The following FBXO34 variants were observed in gnomAD, a reference collection of about 807,000 sequenced individuals.
The protein encoded by FBXO34 is F-box protein 34, also known as F-box only protein 34.
A neutral mutation model predicts 24.5 loss-of-function variants in FBXO34; 12 were observed. That is an observed-to-expected ratio of 0.49 (90% CI 0.31 to 0.79). The LOEUF is 0.79. Ranked by LOEUF, FBXO34 falls within the 30% of genes least tolerant of loss-of-function variation. FBXO34 has a pLI of 0.04. For missense variants in FBXO34, 823 were observed against 857.7 expected (o/e 0.96, Z 0.51); for synonymous variants, 320 against 311.9 (o/e 1.03, Z -0.27).
intron 1 of FBXO34, among the ~76,000 whole-genome samples, chr14:55,291,185 T>G (rs1205454041): frequency 6.6e-6 from 1 of 152,154 alleles, no homozygotes; most frequent in Non-Finnish European, 1.5e-5. Flanking sequence ...CAAAGAGTAT[T>G]TGCAGTTGGA....
chr14:55,435,965 A>T, the FBXO34 span: 1 of 1,343,300 alleles, frequency 7.4e-7, no homozygotes, highest in Non-Finnish European at 1.0e-6. Context: ...AGAAACTTAT[A>T]TCAGATATAA....
At chr14:55,320,725 C>G (rs1883101835) in intron 1 of FBXO34, among the ~76,000 whole-genome samples, 1 of 152,160 alleles carries the variant, frequency 6.6e-6, no homozygotes, top group African/African-American at 2.4e-5. Flanking sequence ...CCACTGCACT[C>G]CAGCCTGTGT....
the FBXO34 span, among the ~76,000 whole-genome samples, chr14:55,418,899 A>C: frequency 6.6e-6 from 1 of 152,126 alleles, no homozygotes; most frequent in Admixed American, 6.5e-5. Flanking sequence ...TCCTTACAAC[A>C]CTTAGGTAGA....
At chr14:55,332,047 A>T (rs894185726) in intron 1 of FBXO34, among the ~76,000 whole-genome samples, 7 of 134,874 alleles carry the variant, frequency 5.2e-5, no homozygotes, top group African/African-American at 1.4e-4. Context: ...TATATATAAA[A>T]ATATATATAT....
At chr14:55,313,279 G>A (rs1240045113) in intron 1 of FBXO34, among the ~76,000 whole-genome samples, 1 of 152,084 alleles carries the variant, frequency 6.6e-6, no homozygotes, top group Non-Finnish European at 1.5e-5. Context: ...TTCTCAATAA[G>A]TCCTCCTCTT....
At chr14:55,439,930 C>CAAAAAAAAAAAAAAAAAAAAAAA in the FBXO34 span, among the ~76,000 whole-genome samples, 1 of 39,180 alleles carries the variant, frequency 2.6e-5, no homozygotes. Context: ...GACTCTGTCT[C>CAAAAAAAAAAAAAAAAAAAAAAA]AAAAAAAAAA....
chr14:55,369,961 A>C (rs369167678), downstream of FBXO34: 7 of 1,530,314 alleles, frequency 4.6e-6, no homozygotes, highest in Admixed American at 2.0e-5. Context: ...TTAGGATAAC[A>C]ACCATTCTCA....
chr14:55,308,582 TTACTCTC>T (rs1566549383), intron 1 of FBXO34, among the ~76,000 whole-genome samples: 1 of 152,234 alleles, frequency 6.6e-6, no homozygotes. Context: ...ATATTGTTCT[TTACTCTC>T]TATTGTAACT....
At chr14:55,287,990 T>G (rs1313570170) in intron 1 of FBXO34, among the ~76,000 whole-genome samples, 4 of 152,250 alleles carry the variant, frequency 2.6e-5, no homozygotes, top group Non-Finnish European at 5.9e-5. Context: ...AATTTTCCAC[T>G]TGTGGCATCG....
intron 1 of FBXO34, among the ~76,000 whole-genome samples, chr14:55,331,697 ATATATATG>A (rs1404443532): frequency 0.014 from 931 of 67,544 alleles, 226 homozygotes; most frequent in African/African-American, 0.088. Flanking sequence ...GTATATATAT[ATATATATG>A]TATATATATA....
chr14:55,356,388 C>T (rs907488268), downstream of FBXO34, among the ~76,000 whole-genome samples: 1 of 152,114 alleles, frequency 6.6e-6, no homozygotes, highest in African/African-American at 2.4e-5. Flanking sequence ...GGGTATGCCT[C>T]GTTTAAAGGC....
chr14:55,417,711 C>G, the FBXO34 span, among the ~76,000 whole-genome samples: 1 of 152,196 alleles, frequency 6.6e-6, no homozygotes, highest in Non-Finnish European at 1.5e-5. Context: ...ATCTGCCCAC[C>G]TTGGCCTCCC....
rs186490999 is a variant in FBXO34 at position 55,361,673 on chromosome 14, A to G, written c.*589-60A>G. On this transcript the variant is annotated intron_variant and NMD_transcript_variant, in intron 3 of 3. Coordinates refer to the FBXO34 transcript ENST00000555280. ...TTGTTTAGTGTAACCATCTTCATCA[A>G]TTACCTTAGCTAGATCTTCTGGATA... The G allele has an allele frequency of 1.7e-4, 26 of 152,312 alleles. No individual in the cohort carries two copies. The East Asian group carries it at 4.0e-3, about 24-fold the overall frequency. The allele number at this position is 152,312 out of a possible 1,614,324, so 9.4% of individuals were successfully genotyped here. A position where few individuals can be genotyped will look rare whatever the true frequency, so the allele number is the denominator to read the frequency against.
chr14:55,342,050 C>G (rs748447224), intron 1 of FBXO34, among the ~76,000 whole-genome samples: 9 of 152,096 alleles, frequency 5.9e-5, no homozygotes, highest in Non-Finnish European at 1.0e-4. Flanking sequence ...GCATTTATTG[C>G]GAGCACAAAA....
intron 1 of FBXO34, among the ~76,000 whole-genome samples, chr14:55,346,678 T>C (rs1467424843): frequency 1.3e-5 from 2 of 152,136 alleles, no homozygotes; most frequent in Non-Finnish European, 2.9e-5. Flanking sequence ...CTGGGAAGTC[T>C]ATGTCAAAGA....
the FBXO34 span, among the ~76,000 whole-genome samples, chr14:55,411,278 C>G: frequency 2.0e-5 from 3 of 152,220 alleles, no homozygotes; most frequent in Non-Finnish European, 4.4e-5. Context: ...CAGCAAAGAG[C>G]TGGGAATCTA....
chr14:55,272,050 C>T (rs1006362568), intron 1 of FBXO34: 1 of 152,290 alleles, frequency 6.6e-6, no homozygotes, highest in African/African-American at 2.4e-5. Flanking sequence ...GACGCCTCCC[C>T]AGCCTCTGGG....
the FBXO34 span, among the ~76,000 whole-genome samples, chr14:55,389,144 T>C: frequency 7.2e-5 from 11 of 152,158 alleles, no homozygotes; most frequent in Non-Finnish European, 1.3e-4. Flanking sequence ...TTTGTGGTGG[T>C]TGTTTTTGTT....
chr14:55,331,717 G>GTA lies in FBXO34; in HGVS notation c.-10-18654_-10-18653dup, dbSNP rs1222853863. On this transcript the variant is annotated intron_variant, in intron 1 of 1. Coordinates refer to ENST00000313833, the MANE Select transcript of FBXO34 (RefSeq NM_017943.4). The stretch of plus-strand genomic sequence containing the variant: ...TATATATATATATGTATATATATAT[G>GTA]TATATATATATGTATATATATATGT... 5.6e-4 allele frequency among the ~76,000 whole-genome samples: 17 copies of GTA among 30,610 alleles called. 3 individuals carry two copies. Among genetic ancestry groups the GTA allele is most frequent in the African/African-American group, 8.9e-4 (2 of 2,250 alleles). 20.1% of individuals were successfully genotyped at this position (30,610 alleles called of 152,430 possible). A position where few individuals can be genotyped will look rare whatever the true frequency, so the allele number is the denominator to read the frequency against.
Sources: allele counts gnomAD v4.1 joint callset (sites outside exome capture counted in the v4.1 genomes callset), GRCh38; gene constraint gnomAD v4.1.1; transcripts MANE v1.5; gene names NCBI Gene and HGNC (gene_info 2026-07-23, HGNC 2026-07-21).